Variants in LRBA observed in about 807,000 individuals in gnomAD.
LRBA encodes the protein lipopolysaccharide-responsive and beige-like anchor protein.
A neutral mutation model predicts 330.0 loss-of-function variants in LRBA; 176 were observed. The observed-to-expected ratio is 0.53, with a 90% CI of 0.47 to 0.60. LRBA has a LOEUF of 0.60. LRBA is among the 20% of genes least tolerant of loss of function. The pLI, the probability that LRBA is intolerant of heterozygous loss-of-function variation, is 0.00. For synonymous variants in LRBA, 1,230 were observed against 1,193.0 expected, an observed-to-expected ratio of 1.03 and a Z score of -0.64; for missense variants, 3,259 against 3,444.8, an observed-to-expected ratio of 0.95 and a Z score of 1.35.
In LRBA at chr4:150,503,355, C is replaced by G. The variant is rs146188119; in HGVS notation, c.6331-12320G>C. On this transcript the variant is annotated intron_variant, in intron 40 of 56. Transcript: ENST00000651943. ...GGCCGGGTACTCCCCTGAGACAAAA[C>G]TTCCAGAGGAACGATCAGGCAGCAG... 6.5e-3 allele frequency among the ~76,000 whole-genome samples: 984 copies of G among 152,290 alleles called. 13 individuals carry two copies. The highest frequency in any genetic ancestry group is 0.022 in the African/African-American group (922 of 41,564).
intron 40 of LRBA, among the ~76,000 whole-genome samples, chr4:150,518,646 T>A (rs955121590): frequency 2.6e-5 from 4 of 152,174 alleles, no homozygotes; most frequent in Non-Finnish European, 5.9e-5. Context: ...AAAATAAGAA[T>A]ACAAACCCTT....
intron 47 of LRBA, among the ~76,000 whole-genome samples, chr4:150,399,685 T>C (rs1745210009): frequency 6.6e-6 from 1 of 152,070 alleles, no homozygotes; most frequent in South Asian, 2.1e-4. Flanking sequence ...AGAGGTATAA[T>C]TAAAGGCTTT....
In LRBA at chr4:150,761,804, A is replaced by G; in HGVS notation, c.5624T>C (p.Ile1875Thr). The G allele has an allele frequency of 6.5e-7, 1 of 1,549,730 alleles. No homozygotes were observed. The highest frequency in any genetic ancestry group is 2.4e-5 in the East Asian group (1 of 42,366). ...SIQKNAGLAF[I>T]ELVNEGRLLS... ...TTACCTTCCTTCATTGACAAGTTCG[A>G]TAAAAGCAAGGCCTGCATTCTTCTG... Residue 1875 changes from isoleucine to threonine, a missense_variant, in exon 35 of 57, where the codon ATC (isoleucine) becomes ACC (threonine). Coordinates refer to ENST00000651943, the MANE Select transcript of LRBA (RefSeq NM_001364905.1).
chr4:150,480,526 T>A (rs1045971240), intron 42 of LRBA, among the ~76,000 whole-genome samples: 1 of 152,090 alleles, frequency 6.6e-6, no homozygotes, highest in African/African-American at 2.4e-5. Context: ...AGATTTATCA[T>A]GTGTATATTA....
At chr4:150,443,847 T>TAAAA (rs376721928) in intron 44 of LRBA, among the ~76,000 whole-genome samples, 3,203 of 53,572 alleles carry the variant, frequency 0.06, 178 homozygotes, top group African/African-American at 0.13. Flanking sequence ...AAAGTATAAT[T>TAAAA]AAAAAAATAT....
At chr4:150,592,086 G>C (rs1307005556) in intron 38 of LRBA, among the ~76,000 whole-genome samples, 2 of 148,524 alleles carry the variant, frequency 1.3e-5, no homozygotes, top group African/African-American at 5.0e-5. Flanking sequence ...AAATCCCAGA[G>C]GTAAAGCACC....
intron 41 of LRBA, among the ~76,000 whole-genome samples, chr4:150,489,233 TA>T (rs1186499285): frequency 5.5e-5 from 3 of 54,752 alleles, no homozygotes; most frequent in African/African-American, 3.0e-4. Flanking sequence ...TAATATATTA[TA>T]TATACGAATA....
chr4:150,456,202 T>C (rs892553958), intron 44 of LRBA, among the ~76,000 whole-genome samples: 22 of 152,266 alleles, frequency 1.4e-4, no homozygotes, highest in African/African-American at 4.8e-4. Flanking sequence ...AGTGGAATTG[T>C]TGGATCATAT....
At position 150,415,956 on chromosome 4, in the gene LRBA, T is replaced by C. The variant is rs935374229; in HGVS notation, c.7042-366A>G. On this transcript the variant is annotated intron_variant, in intron 46 of 56. Transcript: ENST00000651943. ...CTAACTAGATTTTTTATGAGGTATATTGAATTTTTGCCAGAAAAACCCAAA... is the reference window on the plus strand; with the variant it reads ...CTAACTAGATTTTTTATGAGGTATACTGAATTTTTGCCAGAAAAACCCAAA... 4.6e-5 allele frequency among the ~76,000 whole-genome samples: 7 copies of C among 152,228 alleles called. No individual in the cohort carries two copies. In the South Asian group the frequency reaches 1.0e-3, roughly 23 times the overall value.
intron 53 of LRBA, among the ~76,000 whole-genome samples, chr4:150,298,679 G>T (rs537153865): frequency 2.0e-5 from 3 of 152,042 alleles, no homozygotes; most frequent in South Asian, 2.1e-4. Context: ...GAAAAGTTAG[G>T]TTTTTTTCTC....
chr4:150,610,135 C>T (rs1775078822), intron 37 of LRBA, among the ~76,000 whole-genome samples: 1 of 151,988 alleles, frequency 6.6e-6, no homozygotes, highest in Non-Finnish European at 1.5e-5. Flanking sequence ...TTGGGGAATA[C>T]AGAAGAAAGC....
At chr4:150,674,378 T>C (rs1782342355) in intron 37 of LRBA, among the ~76,000 whole-genome samples, 3 of 151,120 alleles carry the variant, frequency 2.0e-5, no homozygotes, top group Admixed American at 6.6e-5. Flanking sequence ...ACAGTTGAAG[T>C]AGCAAACAGT....
At chr4:150,703,115 C>T (rs1011761955) in intron 36 of LRBA, among the ~76,000 whole-genome samples, 2 of 152,132 alleles carry the variant, frequency 1.3e-5, no homozygotes, top group Non-Finnish European at 2.9e-5. Flanking sequence ...GAGCCAAGAT[C>T]GCACCACTAC....
Position 150,875,646 on chromosome 4 carries a change from C to T in LRBA, c.2166-2891G>A, listed in dbSNP as rs373645913. On this transcript the variant is annotated intron_variant, in intron 17 of 56. Coordinates refer to ENST00000651943, the MANE Select transcript of LRBA (RefSeq NM_001364905.1). ...ACAGAAGCAAAGCCAAAAGGCCCTACCCAGCATTCTCTATAGCCACACCCC... is the reference window on the plus strand; with the variant it reads ...ACAGAAGCAAAGCCAAAAGGCCCTATCCAGCATTCTCTATAGCCACACCCC... 2.0e-5 allele frequency among the ~76,000 whole-genome samples: 3 copies of T among 152,100 alleles called. No individual in the cohort carries two copies. In the East Asian group the frequency reaches 5.8e-4, roughly 29 times the overall value.
In LRBA at chr4:150,392,594, G is replaced by A. The variant is rs532286036; in HGVS notation, c.7194+22844C>T. On this transcript the variant is annotated intron_variant, in intron 47 of 56. Coordinates refer to ENST00000651943, the MANE Select transcript of LRBA (RefSeq NM_001364905.1). ...TAGGTAGTTTATTCTCTTTGTGAGC[G>A]AATGGAGTTCACTCATGATTTGGCT... Among the ~76,000 whole-genome samples the A allele has an allele frequency of 9.9e-5, 15 of 152,198 alleles. No individual in the cohort carries two copies. The South Asian group carries it at 2.3e-3, about 23-fold the overall frequency.
At chr4:150,760,897 G>A (rs1004898454) in intron 35 of LRBA, among the ~76,000 whole-genome samples, 4 of 152,088 alleles carry the variant, frequency 2.6e-5, no homozygotes, top group African/African-American at 7.2e-5. Context: ...ATAAAGTTAC[G>A]AATACTCTTT....
At chr4:150,803,143 T>A (rs557728007) in intron 33 of LRBA, among the ~76,000 whole-genome samples, 2 of 149,078 alleles carry the variant, frequency 1.3e-5, no homozygotes, top group African/African-American at 5.0e-5. Context: ...TATGTCTATA[T>A]AAACATATAT....
At chr4:150,368,362 A>AT (rs1279497396) in intron 47 of LRBA, among the ~76,000 whole-genome samples, 3 of 152,244 alleles carry the variant, frequency 2.0e-5, no homozygotes, top group Non-Finnish European at 2.9e-5. Context: ...TTAAACTACA[A>AT]TTTTTTAGAA....
intron 37 of LRBA, among the ~76,000 whole-genome samples, chr4:150,639,771 ATATATATATATG>A (rs796340456): frequency 0.056 from 445 of 7,994 alleles, 45 homozygotes; most frequent in South Asian, 0.11. Flanking sequence ...ATATATATAT[ATATATATATATG>A]TGTGTGTGTA....
Sources: gnomAD v4.1 joint callset for allele counts (sites outside exome capture counted in the v4.1 genomes callset) on GRCh38, gnomAD v4.1.1 for gene constraint, MANE v1.5 for transcripts, NCBI Gene and HGNC (gene_info 2026-07-23, HGNC 2026-07-21) for gene names.